ACSM1: variants seen among roughly 807,000 people sequenced by gnomAD.
The protein encoded by ACSM1 is acyl-coenzyme A synthetase ACSM1, mitochondrial.
A neutral mutation model predicts 75.8 loss-of-function variants in ACSM1; 79 were observed. The observed-to-expected ratio is 1.04, with a 90% CI of 0.87 to 1.26. The LOEUF is 1.26. Among genes scored for constraint, ACSM1 ranks in the 50% most tolerant of loss-of-function variants. The pLI, the probability that ACSM1 is intolerant of heterozygous loss-of-function variation, is 0.00. For missense variants in ACSM1, 676 were observed against 720.1 expected (o/e 0.94, Z 0.70); for synonymous variants, 279 against 265.8 (o/e 1.05, Z -0.48).
chr16:20,682,255 C>T lies in ACSM1; in HGVS notation c.611+1G>A. On this transcript the variant is annotated splice_donor_variant, in intron 4 of 13. Coordinates refer to ENST00000520010, the MANE Select transcript of ACSM1 (RefSeq NM_001318890.3). LOFTEE classifies it high-confidence loss of function. The stretch of plus-strand genomic sequence containing the variant: ...TTATATTCATCAGACCAGAGACTCA[C>T]TTAACCAGCGATCGGAAGTCCAGCC... 2 of 1,612,654 alleles carry T rather than the reference C, an allele frequency of 1.2e-6. No homozygotes were observed. The highest frequency in any genetic ancestry group is 1.7e-6 in the Non-Finnish European group (2 of 1,179,860).
chr16:20,691,290 T>TA (rs1251311971), intron 1 of ACSM1, 51 bp from the exon 2 acceptor site: 2 of 1,015,606 alleles, frequency 2.0e-6, no homozygotes, highest in African/African-American at 3.3e-5. Flanking sequence ...ACTTTCTCCC[T>TA]AAATTGGGTG....
Position 20,625,430 on chromosome 16 carries a change from C to T in ACSM1, c.1520G>A (p.Arg507Gln), listed in dbSNP as rs267604441. ...TCTCTGTGTTCTCCTCACCTCCCCT[C>T]GAATCGGGTCTGGGCTGCCCACCAC... ...SAVVGSPDPI[R>Q]GEVVKAFIVL... Residue 507 changes from arginine (R) to glutamine (Q), a missense_variant, in exon 12 of 14, where the codon CGA becomes CAA. Arg to Gln is a conservative substitution (Grantham distance 43). Coordinates refer to ENST00000520010, the MANE Select transcript of ACSM1 (RefSeq NM_001318890.3). The T allele has an allele frequency of 2.5e-6, 4 of 1,614,022 alleles. No individual in the cohort carries two copies. The highest frequency in any genetic ancestry group is 1.1e-5 in the South Asian group (1 of 91,060).
intron 6 of ACSM1, among the ~76,000 whole-genome samples, chr16:20,667,469 C>T (rs1239446250): frequency 6.6e-6 from 1 of 152,168 alleles, no homozygotes; most frequent in East Asian, 1.9e-4. Flanking sequence ...TACCATCTCA[C>T]ACCTATCAGA....
intron 4 of ACSM1, chr16:20,680,913 T>C (rs2079431890): frequency 6.6e-6 from 1 of 152,266 alleles, no homozygotes; most frequent in African/African-American, 2.4e-5. Context: ...GCCATTCTTC[T>C]TTCTAATTCC....
rs1057121251 is a variant in ACSM1 at position 20,623,495 on chromosome 16, A to G, written c.1725T>C (p.Gly575=). 2.5e-6 allele frequency: 4 copies of G among 1,613,980 alleles called. No homozygotes were observed. The African/African-American group carries it at 5.3e-5, about 22-fold the overall frequency. The part of the protein sequence containing the change: ...ERKELRKKET[G]QM The stretch of plus-strand genomic sequence containing the variant: ...CTGAGTTCACTGCCGATTACATCTG[A>G]CCAGTCTCCTTTTTCCGAAGTTCCT... The change falls in exon 14 of 14, where the codon GGT becomes GGC. Residue 575 remains glycine (G), a synonymous_variant. Coordinates refer to ENST00000520010, the MANE Select transcript of ACSM1 (RefSeq NM_001318890.3).
intron 1 of ACSM1, among the ~76,000 whole-genome samples, chr16:20,696,680 T>G (rs1285050065): frequency 6.6e-6 from 1 of 152,250 alleles, no homozygotes; most frequent in Non-Finnish European, 1.5e-5. Context: ...AAGTGCATTC[T>G]GAAAGCAATT....
At chr16:20,655,011 A>G (rs560740236) in intron 7 of ACSM1, among the ~76,000 whole-genome samples, 3 of 152,270 alleles carry the variant, frequency 2.0e-5, no homozygotes, top group East Asian at 3.9e-4. Context: ...ATGTCCAAAA[A>G]TGATAGACTG....
chr16:20,672,030 T>C (rs1412317026), intron 4 of ACSM1, among the ~76,000 whole-genome samples: 4 of 152,108 alleles, frequency 2.6e-5, no homozygotes, highest in African/African-American at 7.2e-5. Flanking sequence ...ATATGAACCA[T>C]TCAGTACTCA....
In ACSM1 at chr16:20,669,967, T is replaced by C; in HGVS notation, c.772A>G (p.Lys258Glu). ...FPGSRKLRSL[K>E]TSDVSWCLSD... is the part of the protein sequence containing the mutation. The stretch of plus-strand genomic sequence containing the variant: ...AGGCACCAGGAGACATCAGATGTCT[T>C]CAGGCTCCGTAATTTCCTACTAACT... The change falls in exon 6 of 14, where the codon AAG becomes GAG. Residue 258 changes from lysine (K) to glutamate (E), a missense_variant. Transcript: ENST00000520010. 1 of 1,613,778 alleles carries C rather than the reference T, an allele frequency of 6.2e-7. No homozygotes were observed. Among genetic ancestry groups the C allele is most frequent in the Non-Finnish European group, 8.5e-7 (1 of 1,179,842 alleles).
intron 3 of ACSM1, among the ~76,000 whole-genome samples, chr16:20,684,629 G>A (rs933797896): frequency 2.0e-5 from 3 of 152,174 alleles, no homozygotes; most frequent in African/African-American, 7.2e-5. Flanking sequence ...TGCAGAAAAG[G>A]CTGTGGAATA....
At chr16:20,653,652 C>T (rs1360534281) in intron 7 of ACSM1, among the ~76,000 whole-genome samples, 3 of 152,122 alleles carry the variant, frequency 2.0e-5, no homozygotes, top group African/African-American at 7.2e-5. Context: ...CTCCCATTCA[C>T]AATTGCTTCA....
chr16:20,670,840 G>A (rs1057108460), intron 5 of ACSM1, among the ~76,000 whole-genome samples: 12 of 152,148 alleles, frequency 7.9e-5, no homozygotes, highest in Non-Finnish European at 1.8e-4. Context: ...AATACCCACT[G>A]CCCCTCTTCG....
chr16:20,657,465 C>T (rs1328718195), intron 7 of ACSM1, among the ~76,000 whole-genome samples: 3 of 152,180 alleles, frequency 2.0e-5, no homozygotes, highest in Admixed American at 1.3e-4. Context: ...CCCACGACCA[C>T]GCCCAGCTAA....
chr16:20,652,899 T>C (rs1204899391), intron 7 of ACSM1, among the ~76,000 whole-genome samples: 5 of 152,324 alleles, frequency 3.3e-5, no homozygotes, highest in Middle Eastern at 3.4e-3. Flanking sequence ...CCTAACTCTT[T>C]TTATGAGGCC....
intron 4 of ACSM1, among the ~76,000 whole-genome samples, chr16:20,672,320 C>A (rs1000371737): frequency 6.7e-6 from 1 of 148,858 alleles, no homozygotes; most frequent in Non-Finnish European, 1.5e-5. Context: ...TGCTGGTGGG[C>A]GCTTATACTC....
chr16:20,690,466 T>C (rs1187821394), intron 2 of ACSM1, among the ~76,000 whole-genome samples: 1 of 152,096 alleles, frequency 6.6e-6, no homozygotes, highest in African/African-American at 2.4e-5. Flanking sequence ...CACAGTCAAG[T>C]AGGTAGTTGA....
Position 20,682,108 on chromosome 16 carries a change from A to G in ACSM1, c.611+148T>C, listed in dbSNP as rs763449983. The G allele has an allele frequency of 1.8e-5, 13 of 721,488 alleles. 1 individual carries two copies. In the South Asian group the frequency reaches 2.3e-4, roughly 13 times the overall value. 44.7% of individuals were successfully genotyped at this position (721,488 alleles called of 1,614,324 possible). On this transcript the variant is annotated intron_variant, in intron 4 of 13. Coordinates refer to ENST00000520010, the MANE Select transcript of ACSM1 (RefSeq NM_001318890.3). ...TAAAAGGTAACCTGACTCTTTGTTC[A>G]GGGCTCAGTCCTTTGGATGTTAATC...
At chr16:20,677,404 C>T (rs1328215492) in intron 4 of ACSM1, among the ~76,000 whole-genome samples, 3 of 152,160 alleles carry the variant, frequency 2.0e-5, no homozygotes, top group Non-Finnish European at 4.4e-5. Flanking sequence ...GATTCTGTGG[C>T]ACTTCACTGG....
Position 20,691,200 on chromosome 16 carries a change from C to A in ACSM1, c.-12G>T. 2 of 1,550,666 alleles carry A rather than the reference C, an allele frequency of 1.3e-6. No individual in the cohort carries two copies. The highest frequency in any genetic ancestry group is 2.5e-5 in the South Asian group (2 of 81,084). ...ATTAGCCACTGCATGGTGAAACAGT[C>A]CTCAGAAACCAGGCACAGAGTTCTC... On this transcript the variant is annotated 5_prime_UTR_variant, in exon 2 of 14. Transcript: ENST00000520010.
Sources: allele counts gnomAD v4.1 joint callset (sites outside exome capture counted in the v4.1 genomes callset), GRCh38; gene constraint gnomAD v4.1.1; transcripts MANE v1.5; gene names NCBI Gene and HGNC (gene_info 2026-07-23, HGNC 2026-07-21).